Variants in ANXA6 observed in about 807,000 individuals in gnomAD.
ANXA6 encodes the protein annexin A6, also known as 67 kDa calelectrin.
A neutral mutation model predicts 95.4 loss-of-function variants in ANXA6; 71 were observed. The ratio of observed to expected loss-of-function variants is 0.74; its 90% CI spans 0.61 to 0.91. The LOEUF is 0.91. Among genes scored for constraint, ANXA6 ranks in the 40% least tolerant of loss-of-function variants. The pLI is 0.00. For missense variants in ANXA6, 830 were observed against 876.4 expected (o/e 0.95, Z 0.67); for synonymous variants, 289 against 315.9 (o/e 0.91, Z 0.90).
At chr5:151,110,593 C>T (rs749179375) in intron 21 of ANXA6, 34 bp downstream of exon 21, 1 of 1,611,598 alleles carries the variant, frequency 6.2e-7, no homozygotes, top group East Asian at 2.2e-5. Context: ...TACTCAGAGG[C>T]CGTTAAAACC....
At chr5:151,111,016 T>TA (rs1235391403) in intron 20 of ANXA6, among the ~76,000 whole-genome samples, 1 of 152,190 alleles carries the variant, frequency 6.6e-6, no homozygotes, top group Non-Finnish European at 1.5e-5. Context: ...GCCACTTCCT[T>TA]ACAGAACCAC....
At chr5:151,138,648 C>T (rs1765736723) in intron 5 of ANXA6, 30 bp downstream of exon 5, 1 of 1,536,946 alleles carries the variant, frequency 6.5e-7, no homozygotes, top group Non-Finnish European at 9.0e-7. Context: ...ACATCCCCAC[C>T]CCAACACCAC....
chr5:151,109,855 C>A lies in ANXA6; in HGVS notation c.1591-9G>T, dbSNP rs1273309936. ...GGTGTGTCTGCTATTTCCTGCAGAG[C>A]CCCAGTTGGAGCAAGGATTTGGGAG... On this transcript the variant is annotated splice_polypyrimidine_tract_variant and intron_variant, in intron 21 of 25. Coordinates refer to ENST00000354546, the MANE Select transcript of ANXA6 (RefSeq NM_001155.5). The A allele has an allele frequency of 1.3e-6, 2 of 1,582,012 alleles. No homozygotes were observed. The highest frequency in any genetic ancestry group is 1.7e-6 in the Non-Finnish European group (2 of 1,158,662).
chr5:151,115,906 G>C (rs946741846), intron 20 of ANXA6, among the ~76,000 whole-genome samples: 2 of 152,186 alleles, frequency 1.3e-5, no homozygotes, highest in African/African-American at 2.4e-5. Context: ...TACTGTAAAT[G>C]GAATTAAGCA....
intron 19 of ANXA6, among the ~76,000 whole-genome samples, chr5:151,117,454 C>A (rs1171185128): frequency 6.6e-6 from 1 of 152,180 alleles, no homozygotes; most frequent in Non-Finnish European, 1.5e-5. Flanking sequence ...GAGATGGTGA[C>A]AGAAGCTCCC....
rs1435979183 is a variant in ANXA6 at position 151,139,144 on chromosome 5, C to A, written c.204+209G>T. 4 of 593,294 alleles carry A rather than the reference C, an allele frequency of 6.7e-6. No homozygotes were observed. In the East Asian group the frequency reaches 1.1e-4, roughly 17 times the overall value. 36.8% of individuals were successfully genotyped at this position (593,294 alleles called of 1,614,324 possible). Reference sequence around the variant, plus strand: ...CTTATTCACTAGTGCAGCCCTAACACCTAGCACGAGCCCAGCATACAGCAG... The same window carrying A: ...CTTATTCACTAGTGCAGCCCTAACAACTAGCACGAGCCCAGCATACAGCAG... On this transcript the variant is annotated intron_variant, in intron 4 of 25. Coordinates refer to ENST00000354546, the MANE Select transcript of ANXA6 (RefSeq NM_001155.5).
intron 2 of ANXA6, among the ~76,000 whole-genome samples, chr5:151,146,296 T>C (rs1229128292): frequency 6.6e-6 from 1 of 152,160 alleles, no homozygotes; most frequent in Non-Finnish European, 1.5e-5. Flanking sequence ...TGACTACACA[T>C]AGGAAATGGG....
At chr5:151,135,329 C>G (rs1765628916) in intron 7 of ANXA6, among the ~76,000 whole-genome samples, 2 of 152,164 alleles carry the variant, frequency 1.3e-5, no homozygotes, top group African/African-American at 4.8e-5. Context: ...ACACTCCTCT[C>G]CAGAACAAGC....
At chr5:151,132,069 G>A (rs1451660075) in intron 10 of ANXA6, among the ~76,000 whole-genome samples, 3 of 152,176 alleles carry the variant, frequency 2.0e-5, no homozygotes, top group Non-Finnish European at 2.9e-5. Context: ...GATCAGCCTG[G>A]TGAGACTCAG....
In ANXA6 at chr5:151,129,514, C is replaced by T. The variant is rs1451248611; in HGVS notation, c.811G>A (p.Asp271Asn). Residue 271 changes from aspartate to asparagine, a missense_variant, in exon 12 of 26, where the codon GAC becomes AAC. Transcript: ENST00000354546. ...FKAMKGLGTR[D>N]NTLIRIMVSR... The stretch of plus-strand genomic sequence containing the variant: ...ACCATGATGCGGATCAGGGTGTTGT[C>T]CCGAGTCCCCAGGCCCTGCAAGACA... 6.2e-7 allele frequency: 1 copy of T among 1,605,764 alleles called. No individual in the cohort carries two copies. Among genetic ancestry groups the T allele is most frequent in the Non-Finnish European group, 8.5e-7 (1 of 1,176,222 alleles).
At chr5:151,120,265 G>A (rs1332091280) in intron 17 of ANXA6, among the ~76,000 whole-genome samples, 1 of 152,054 alleles carries the variant, frequency 6.6e-6, no homozygotes, top group Non-Finnish European at 1.5e-5. Context: ...CTGCACACAG[G>A]GAAGCAGGGA....
chr5:151,132,610 T>C, intron 9 of ANXA6, 39 bp from the exon 10 acceptor site: 1 of 1,549,268 alleles, frequency 6.5e-7, no homozygotes, highest in South Asian at 1.2e-5. Context: ...TGAGAGTGCC[T>C]CTGTACCCCC....
At chr5:151,155,490 A>G (rs973641425) in intron 1 of ANXA6, 2 of 152,162 alleles carry the variant, frequency 1.3e-5, no homozygotes, top group African/African-American at 4.8e-5. Context: ...CAACTCCAGG[A>G]GGAAAGGGAG....
chr5:151,136,451 T>A, intron 6 of ANXA6, 116 bp from the exon 7 acceptor site: 1 of 905,496 alleles, frequency 1.1e-6, no homozygotes, highest in South Asian at 1.5e-5. Flanking sequence ...AAACCCAGTC[T>A]ACACGTCCAT....
rs139848977 is a variant in ANXA6 at position 151,134,312 on chromosome 5, T to C, written c.546+115A>G. Reference sequence around the variant, plus strand: ...GTATACATGACAGCTGTGGCTGGGTTATTTCTGGTATTTGATGCAAATGAC... The same window carrying C: ...GTATACATGACAGCTGTGGCTGGGTCATTTCTGGTATTTGATGCAAATGAC... On this transcript the variant is annotated intron_variant, in intron 8 of 25. Coordinates refer to ENST00000354546, the MANE Select transcript of ANXA6 (RefSeq NM_001155.5). 5.5e-3 allele frequency: 5,382 copies of C among 986,170 alleles called. 190 individuals are homozygous for C. In the African/African-American group the frequency reaches 0.074, roughly 14 times the overall value. 61.1% of individuals were successfully genotyped at this position (986,170 alleles called of 1,614,324 possible).
rs370045894 is a variant in ANXA6 at position 151,124,243 on chromosome 5, G to A, written c.1138+43C>T. 20 of 1,576,536 alleles carry A rather than the reference G, an allele frequency of 1.3e-5. No individual in the cohort carries two copies. In the African/African-American group the frequency reaches 1.9e-4, roughly 15 times the overall value. The stretch of plus-strand genomic sequence containing the variant: ...GCCCACGGCCAAACCCACCACACCT[G>A]CTGCCCTGGAGACCAACCCTGCTCC... On this transcript the variant is annotated intron_variant, in intron 15 of 25. Transcript: ENST00000354546.
At chr5:151,119,162 C>A in intron 18 of ANXA6, 138 bp downstream of exon 18, 2 of 696,788 alleles carry the variant, frequency 2.9e-6, no homozygotes, top group Non-Finnish European at 5.0e-6. Flanking sequence ...GATGGGCACA[C>A]CCAAGAGGCT....
intron 2 of ANXA6, 199 bp from the exon 3 acceptor site, chr5:151,140,442 G>A (rs72790143): frequency 5.1e-6 from 3 of 584,032 alleles, no homozygotes; most frequent in Non-Finnish European, 9.3e-6. Context: ...AAAGGACAGT[G>A]CCATTTCCCC....
At chr5:151,111,672 T>C (rs568504434) in intron 20 of ANXA6, among the ~76,000 whole-genome samples, 4 of 152,336 alleles carry the variant, frequency 2.6e-5, no homozygotes, top group African/African-American at 9.6e-5. Flanking sequence ...CACTGCAACC[T>C]TGACCTCCTG....
Sources: gnomAD v4.1 joint callset for allele counts (sites outside exome capture counted in the v4.1 genomes callset) on GRCh38, gnomAD v4.1.1 for gene constraint, MANE v1.5 for transcripts, NCBI Gene and HGNC (gene_info 2026-07-23, HGNC 2026-07-21) for gene names.